The following GPR39 variants were observed in gnomAD, a reference collection of about 807,000 sequenced individuals.
GPR39 encodes the protein G protein-coupled receptor 39, also known as zinc sensing receptor.
A neutral mutation model predicts 18.4 loss-of-function variants in GPR39; 23 were observed. The ratio of observed to expected loss-of-function variants is 1.25; its 90% CI spans 0.90 to 1.77. The LOEUF (loss-of-function observed/expected upper bound fraction) is 1.77, where lower values mean the gene tolerates loss of function less well. GPR39 is among the 40% of genes most tolerant of loss of function. The pLI, the probability that GPR39 is intolerant of heterozygous loss-of-function variation, is 0.00. For synonymous variants in GPR39, 280 were observed against 257.9 expected (o/e 1.09, Z -0.82); for missense variants, 647 against 602.4 (o/e 1.07, Z -0.78).
intron 1 of GPR39, chr2:132,644,900 C>T (rs1681970498): frequency 6.7e-6 from 4 of 599,460 alleles, no homozygotes; most frequent in African/African-American, 1.9e-5. Flanking sequence ...AGCCAACTCC[C>T]CCGGGTTTGA....
chr2:132,442,612 G>A (rs1177121655), intron 1 of GPR39, among the ~76,000 whole-genome samples: 3 of 152,230 alleles, frequency 2.0e-5, no homozygotes, highest in Non-Finnish European at 4.4e-5. Context: ...TTGGACTTCA[G>A]AGAAGATTTA....
chr2:132,607,532 A>G (rs921149192), intron 1 of GPR39, among the ~76,000 whole-genome samples: 3 of 152,188 alleles, frequency 2.0e-5, no homozygotes, highest in Non-Finnish European at 4.4e-5. Context: ...TCTATAATTT[A>G]GAGAACCTTG....
intron 1 of GPR39, among the ~76,000 whole-genome samples, chr2:132,497,667 CTTA>C (rs1208906841): frequency 1.3e-5 from 2 of 152,168 alleles, no homozygotes; most frequent in African/African-American, 4.8e-5. Flanking sequence ...TAACACCCTA[CTTA>C]TTATGCCATC....
At chr2:132,604,983 A>AC (rs1681108198) in intron 1 of GPR39, 1 of 152,242 alleles carries the variant, frequency 6.6e-6, no homozygotes, top group African/African-American at 2.4e-5. Context: ...TATCATACAA[A>AC]GTGCTTTACA....
At chr2:132,592,993 C>T (rs568729800) in intron 1 of GPR39, among the ~76,000 whole-genome samples, 3 of 152,262 alleles carry the variant, frequency 2.0e-5, no homozygotes, top group Admixed American at 1.3e-4. Context: ...CCTCAGGTTT[C>T]GTAATTCACC....
chr2:132,533,155 C>T (rs531671310), intron 1 of GPR39, among the ~76,000 whole-genome samples: 20 of 152,204 alleles, frequency 1.3e-4, no homozygotes, highest in African/African-American at 2.2e-4. Context: ...AGTCCCAGGA[C>T]GCAAAATCAA....
At chr2:132,563,160 C>A (rs1217713842) in intron 1 of GPR39, among the ~76,000 whole-genome samples, 2 of 152,190 alleles carry the variant, frequency 1.3e-5, no homozygotes, top group African/African-American at 4.8e-5. Context: ...TAGGATCGCA[C>A]TTGCTAACAC....
At chr2:132,629,848 CAT>C (rs1681617133) in intron 1 of GPR39, among the ~76,000 whole-genome samples, 1 of 152,172 alleles carries the variant, frequency 6.6e-6, no homozygotes, top group African/African-American at 2.4e-5. Flanking sequence ...AACATGGAAA[CAT>C]AATGCTGGGG....
intron 1 of GPR39, among the ~76,000 whole-genome samples, chr2:132,524,390 C>T (rs1351236801): frequency 1.3e-5 from 2 of 152,236 alleles, no homozygotes; most frequent in Non-Finnish European, 2.9e-5. Context: ...CTCCTTCCCA[C>T]CTAGCAGTGG....
chr2:132,494,072 G>C (rs1681590851), intron 1 of GPR39, among the ~76,000 whole-genome samples: 1 of 152,120 alleles, frequency 6.6e-6, no homozygotes, highest in Non-Finnish European at 1.5e-5. Flanking sequence ...ATGAGGAGCA[G>C]CTAGGACGTG....
chr2:132,527,849 T>G (rs904276758), intron 1 of GPR39, among the ~76,000 whole-genome samples: 3 of 152,128 alleles, frequency 2.0e-5, no homozygotes, highest in Non-Finnish European at 4.4e-5. Flanking sequence ...CTTTGTCAGA[T>G]GAGTAGATTG....
intron 1 of GPR39, among the ~76,000 whole-genome samples, chr2:132,511,913 C>T (rs188328868): frequency 8.4e-4 from 128 of 152,274 alleles, no homozygotes; most frequent in Admixed American, 5.5e-3. Context: ...CACTGTGCTA[C>T]GTGCGTATCG....
At chr2:132,503,191 G>T (rs556181570) in intron 1 of GPR39, among the ~76,000 whole-genome samples, 83 of 152,096 alleles carry the variant, frequency 5.5e-4, no homozygotes, top group African/African-American at 1.8e-3. Flanking sequence ...CTTCTTTTTT[G>T]GGTAGCCTAT....
Position 132,533,908 on chromosome 2 carries a change from A to T in GPR39, c.857-111193A>T, listed in dbSNP as rs538103644. Among the ~76,000 whole-genome samples, 6 of 152,314 alleles carry T rather than the reference A, an allele frequency of 3.9e-5. No homozygotes were observed. The South Asian group carries it at 6.2e-4, about 16-fold the overall frequency. On this transcript the variant is annotated intron_variant, in intron 1 of 1. Transcript: ENST00000329321. ...AAAACCCTAGAAGAAAACCTACGAA[A>T]TACCATTCAGGACATAGGCATGGGC...
At chr2:132,644,640 T>A (rs191617467) in intron 1 of GPR39, among the ~76,000 whole-genome samples, 1 of 152,290 alleles carries the variant, frequency 6.6e-6, no homozygotes, top group Non-Finnish European at 1.5e-5. Flanking sequence ...CCATTTGATT[T>A]AAAAATATCA....
At chr2:132,517,799 C>T (rs1232558410) in intron 1 of GPR39, among the ~76,000 whole-genome samples, 1 of 152,134 alleles carries the variant, frequency 6.6e-6, no homozygotes, top group Non-Finnish European at 1.5e-5. Flanking sequence ...GATGGAAAAT[C>T]GGAAACAAGC....
chr2:132,572,380 T>C (rs1680455431), intron 1 of GPR39, among the ~76,000 whole-genome samples: 1 of 152,028 alleles, frequency 6.6e-6, no homozygotes, highest in Admixed American at 6.6e-5. Flanking sequence ...TGGAAGTGCA[T>C]CTGAGCAGAG....
intron 1 of GPR39, among the ~76,000 whole-genome samples, chr2:132,493,040 T>TATATATACTATATATATACCATATATAC (rs1558814955): frequency 4.2e-5 from 5 of 118,420 alleles, no homozygotes; most frequent in Non-Finnish European, 6.8e-5. Context: ...ACCATATATA[T>TATATATACTATATATATACCATATATAC]ACCATATATA....
In GPR39 at chr2:132,472,588, A is replaced by G. The variant is rs147958884; in HGVS notation, c.856+54690A>G. Among the ~76,000 whole-genome samples, 219 of 152,276 alleles carry G rather than the reference A, an allele frequency of 1.4e-3. 1 individual carries two copies. In the East Asian group the frequency reaches 0.035, roughly 24 times the overall value. ...CCATTCTCCTCCATCCGTTGGTCAT[A>G]GGGAATGGAAACCCACATATATGGA... is the stretch of plus-strand genomic sequence containing the variant. On this transcript the variant is annotated intron_variant, in intron 1 of 1. Coordinates refer to ENST00000329321, the MANE Select transcript of GPR39 (RefSeq NM_001508.3).
Sources: allele counts gnomAD v4.1 joint callset (sites outside exome capture counted in the v4.1 genomes callset), GRCh38; gene constraint gnomAD v4.1.1; transcripts MANE v1.5; gene names NCBI Gene and HGNC (gene_info 2026-07-23, HGNC 2026-07-21).